RNF123: variants seen among roughly 807,000 people sequenced by gnomAD.
RNF123 encodes E3 ubiquitin-protein ligase RNF123.
Under a neutral mutation model 168.5 loss-of-function variants are expected in RNF123, and 86 were observed. The observed-to-expected ratio is 0.51, with a 90% confidence interval of 0.43 to 0.61. RNF123 has a LOEUF of 0.61. Among genes scored for constraint, RNF123 ranks in the 20% least tolerant of loss-of-function variants. The pLI is 0.00. For synonymous variants in RNF123, 666 were observed against 689.1 expected, an observed-to-expected ratio of 0.97 and a Z score of 0.52; for missense variants, 1,419 against 1,729.7, an observed-to-expected ratio of 0.82 and a Z score of 3.19.
rs1290213796 is a variant in RNF123, at chr3:49,698,794, C to G, written c.610C>G (p.Leu204Val). ...AGDIVSCLID[L>V]DDGTLSFCLN... ...GGACATCGTGAGCTGCCTGATTGAC[C>G]TGGATGATGGCACTCTGTCCTTCTG... The change falls in exon 9 of 39, where the codon CTG becomes GTG. Residue 204 changes from leucine to valine, a missense_variant. By Grantham distance (32) the Leu-to-Val change is conservative (BLOSUM62 1). Around this residue, in one of 5 missense-constraint regions of RNF123, gnomAD observed 318 missense variants for 446.6 expected, o/e 0.71. Transcript: ENST00000327697. 7.4e-6 allele frequency: 12 copies of G among 1,613,808 alleles called. No homozygotes were observed. In the Admixed American group the frequency reaches 1.8e-4, roughly 25 times the overall value.
chr3:49,719,244 C>G, intron 35 of RNF123: 1 of 1,613,192 alleles, frequency 6.2e-7, no homozygotes, highest in East Asian at 2.2e-5. Flanking sequence ...GGCGCAGGCG[C>G]TGGAGCGCGT....
intron 34 of RNF123, 44 bp downstream of exon 34, chr3:49,716,221 G>A (rs1162443799): frequency 1.2e-5 from 20 of 1,601,264 alleles, no homozygotes; most frequent in South Asian, 2.2e-5. Context: ...TACAGGCCTC[G>A]GTTCCTCTGC....
At chr3:49,714,797 A>G (rs2080208053) in intron 31 of RNF123, among the ~76,000 whole-genome samples, 1 of 152,114 alleles carries the variant, frequency 6.6e-6, no homozygotes, top group Non-Finnish European at 1.5e-5. Flanking sequence ...CACTGTCCTC[A>G]CCCTTCATGG....
rs950904741 is a variant in RNF123 at position 49,702,514 on chromosome 3, C to G, written c.1629+109C>G. ...TGCCTCATCCCTGCCTAGCCCCAAG[C>G]TTTTCTCTGCTGCTTTTCCCTCCCT... On this transcript the variant is annotated intron_variant, in intron 19 of 38. Transcript: ENST00000327697. 8 of 1,604,300 alleles carry G rather than the reference C, an allele frequency of 5.0e-6. No individual in the cohort carries two copies. In the African/African-American group the frequency reaches 6.7e-5, roughly 13 times the overall value.
intron 27 of RNF123, 30 bp from the exon 28 acceptor site, chr3:49,713,483 G>C: frequency 1.3e-6 from 2 of 1,579,300 alleles, no homozygotes; most frequent in Non-Finnish European, 1.7e-6. Context: ...CCCACTCCCA[G>C]CCGACACGTC....
Position 49,698,460 on chromosome 3 carries a change from C to T in RNF123, c.504C>T (p.His168=), listed in dbSNP as rs1329914475. Residue 168 remains histidine (H), a synonymous_variant, in exon 8 of 39, where the codon CAC becomes CAT. Coordinates refer to ENST00000327697, the MANE Select transcript of RNF123 (RefSeq NM_022064.5). ...FNQEEGVGDT[H]NSYAYDGNRV... ...CCTAGGAGGGGGTTGGAGATACACA[C>T]AACTCCTATGCCTATGATGGCAACC... 1 of 1,613,926 alleles carries T rather than the reference C, an allele frequency of 6.2e-7. No individual in the cohort carries two copies. Among genetic ancestry groups the T allele is most frequent in the Non-Finnish European group, 8.5e-7 (1 of 1,180,016 alleles).
intron 3 of RNF123, among the ~76,000 whole-genome samples, chr3:49,696,453 A>G (rs1034649301): frequency 6.6e-6 from 1 of 151,506 alleles, no homozygotes. Context: ...GGTTCAAGCA[A>G]TTCTCCTGCC....
Position 49,692,565 on chromosome 3 carries a change from A to T in RNF123, c.167+1056A>T, listed in dbSNP as rs761217796. Among the ~76,000 whole-genome samples, 13 of 152,310 alleles carry T rather than the reference A, an allele frequency of 8.5e-5. No homozygotes were observed. The Middle Eastern group carries it at 0.017, about 199-fold the overall frequency. On this transcript the variant is annotated intron_variant, in intron 3 of 38. Coordinates refer to ENST00000327697, the MANE Select transcript of RNF123 (RefSeq NM_022064.5). ...TAGTCACTCTGTTCTGCTACCAGAT[A>T]GGTCTCATTAATTCAATTTTTTTGT...
rs2054477852 is a variant in RNF123 at position 49,704,726 on chromosome 3, G to T, written c.1929G>T (p.Glu643Asp). 1 of 1,592,090 alleles carries T rather than the reference G, an allele frequency of 6.3e-7. No individual in the cohort carries two copies. The highest frequency in any genetic ancestry group is 8.6e-7 in the Non-Finnish European group (1 of 1,169,160). Residue 643 changes from glutamate to aspartate, a missense_variant, in exon 22 of 39, where the codon GAG (glutamate) becomes GAT (aspartate). Glu to Asp is a conservative substitution (Grantham distance 45, BLOSUM62 2). Around this residue, in one of 5 missense-constraint regions of RNF123, gnomAD observed 538 missense variants for 708.8 expected, o/e 0.76. Transcript: ENST00000327697. Reference protein sequence around the residue: ...LQSTAMDDLDEDEEPAPAMAQ... With the variant: ...LQSTAMDDLDDDEEPAPAMAQ... ...CAACCGCCATGGATGACCTAGATGA[G>T]GATGAGGAGCCAGCCCCAGCTATGG...
intron 3 of RNF123, among the ~76,000 whole-genome samples, chr3:49,692,964 G>C (rs1292334064): frequency 6.6e-6 from 1 of 152,112 alleles, no homozygotes; most frequent in Non-Finnish European, 1.5e-5. Flanking sequence ...TTGATATACT[G>C]ATTTCCCTTC....
At chr3:49,717,566 CT>C in intron 35 of RNF123, 1 of 260,288 alleles carries the variant, frequency 3.8e-6, no homozygotes, top group East Asian at 1.0e-4. Context: ...ACGGGAGGCT[CT>C]GCTACAGGGG....
At chr3:49,689,823 G>C (rs1466029803) in intron 1 of RNF123, 1 of 152,286 alleles carries the variant, frequency 6.6e-6, no homozygotes, top group Admixed American at 6.5e-5. Flanking sequence ...CCCAGACGGA[G>C]TAGGTTCAGT....
chr3:49,696,870 T>G (rs1416356144), intron 3 of RNF123, among the ~76,000 whole-genome samples: 8 of 151,072 alleles, frequency 5.3e-5, no homozygotes, highest in Admixed American at 4.6e-4. Flanking sequence ...GGTCTCGAAC[T>G]CCTGACCTCA....
At chr3:49,720,429 G>A in intron 35 of RNF123, 82 bp from the exon 36 acceptor site, 4 of 1,398,938 alleles carry the variant, frequency 2.9e-6, no homozygotes, top group African/African-American at 2.9e-5. Flanking sequence ...ACGAGCCATG[G>A]CACTCCTCAT....
In RNF123 at chr3:49,712,466, G is replaced by T. The variant is rs1330120828; in HGVS notation, c.2497-13G>T. Reference sequence around the variant, plus strand: ...GGTGCGCAACCCAGCAGCACCCCGTGTGCCTCCTGCAGGAGAAGATGCTGG... The same window carrying T: ...GGTGCGCAACCCAGCAGCACCCCGTTTGCCTCCTGCAGGAGAAGATGCTGG... On this transcript the variant is annotated splice_polypyrimidine_tract_variant and intron_variant, in intron 26 of 38. Coordinates refer to ENST00000327697, the MANE Select transcript of RNF123 (RefSeq NM_022064.5). 14 of 1,613,532 alleles carry T rather than the reference G, an allele frequency of 8.7e-6. No homozygotes were observed. Among genetic ancestry groups the T allele is most frequent in the Non-Finnish European group, 1.2e-5 (14 of 1,179,930 alleles).
Position 49,698,818 on chromosome 3 carries a change from T to G in RNF123, c.634T>G (p.Cys212Gly). Residue 212 changes from cysteine to glycine, a missense_variant, in exon 9 of 39, where the codon TGC becomes GGC. Cys to Gly is a radical substitution (Grantham distance 159). Around this residue, in one of 5 missense-constraint regions of RNF123, gnomAD observed 318 missense variants for 446.6 expected, o/e 0.71. Transcript: ENST00000327697. ...IDLDDGTLSF[C>G]LNGVSLGTAF... ...CCTGGATGATGGCACTCTGTCCTTC[T>G]GCCTGTGAGTTTCCTATCTCTATGC... 6.2e-7 allele frequency: 1 copy of G among 1,613,960 alleles called. No individual in the cohort carries two copies. The highest frequency in any genetic ancestry group is 8.5e-7 in the Non-Finnish European group (1 of 1,179,942).
Position 49,700,708 on chromosome 3 carries a change from C to G in RNF123, c.1276C>G (p.Leu426Val), listed in dbSNP as rs751197695. Residue 426 changes from leucine to valine, a missense_variant and splice_region_variant, in exon 15 of 39, where the codon CTC becomes GTC. Coordinates refer to ENST00000327697, the MANE Select transcript of RNF123 (RefSeq NM_022064.5). ...KSRKFLLSNV[L>V]FDVLRSVVFF... is the part of the protein sequence containing the mutation. ...CCGCAAGTTTCTGCTTAGCAATGTC[C>G]TGTATCCTTTCCTTGCTGCCTGGCA... The G allele has an allele frequency of 3.2e-5, 51 of 1,614,042 alleles. No individual in the cohort carries two copies. The highest frequency in any genetic ancestry group is 3.7e-5 in the Non-Finnish European group (44 of 1,180,028).
At position 49,698,355 on chromosome 3, in the gene RNF123, A is replaced by G. The variant is rs185616423; in HGVS notation, c.484-85A>G. ...ATCATCTGTTCCCTTCTGTAGAGCCATATGCATCCAAGGCTGGTGATTGGT... is the reference window on the plus strand; with the variant it reads ...ATCATCTGTTCCCTTCTGTAGAGCCGTATGCATCCAAGGCTGGTGATTGGT... On this transcript the variant is annotated intron_variant, in intron 7 of 38. Transcript: ENST00000327697. 200 of 1,141,984 alleles carry G rather than the reference A, an allele frequency of 1.8e-4. 2 individuals carry two copies. The East Asian group carries it at 4.6e-3, about 26-fold the overall frequency. 70.7% of individuals were successfully genotyped at this position (1,141,984 alleles called of 1,614,324 possible).
At chr3:49,693,610 A>C (rs1168492512) in intron 3 of RNF123, among the ~76,000 whole-genome samples, 1 of 151,620 alleles carries the variant, frequency 6.6e-6, no homozygotes, top group East Asian at 1.9e-4. Context: ...TCCCACCTCG[A>C]CGTCCCAAAG....
Sources: allele counts gnomAD v4.1 joint callset (sites outside exome capture counted in the v4.1 genomes callset), GRCh38; gene constraint gnomAD v4.1.1; regional missense constraint gnomAD v4.1.1; transcripts MANE v1.5; gene names NCBI Gene and HGNC (gene_info 2026-07-23, HGNC 2026-07-21).